The following TSBP1 variants were observed in gnomAD, a reference collection of about 807,000 sequenced individuals.
The protein encoded by TSBP1 is testis-expressed basic protein 1.
In TSBP1, 56 loss-of-function variants were observed where a neutral mutation model predicts 68.8. The ratio of observed to expected loss-of-function variants is 0.81; its 90% CI spans 0.66 to 1.02. TSBP1 has a LOEUF of 1.02. TSBP1 is among the 50% of genes least tolerant of loss of function. TSBP1 has a pLI of 0.00. For synonymous variants in TSBP1, 171 were observed against 208.7 expected (o/e 0.82, Z 1.56); for missense variants, 502 against 641.2 (o/e 0.78, Z 2.34).
chr6:32,354,449 ATATT>A (rs1394362719), intron 8 of TSBP1, among the ~76,000 whole-genome samples: 3 of 152,104 alleles, frequency 2.0e-5, no homozygotes, highest in Non-Finnish European at 4.4e-5. Context: ...GAAATTGGAA[ATATT>A]TATTTATTTT....
intron 19 of TSBP1, among the ~76,000 whole-genome samples, chr6:32,307,806 G>T (rs116471568): frequency 3.4e-5 from 5 of 146,726 alleles, no homozygotes; most frequent in African/African-American, 1.3e-4. Context: ...ACAGAATTTC[G>T]CTCTTGTCAC....
chr6:32,322,445 A>G, intron 18 of TSBP1, 41 bp downstream of exon 20: 1 of 1,504,818 alleles, frequency 6.6e-7, no homozygotes, highest in Non-Finnish European at 9.2e-7. Flanking sequence ...TAAGATAAGA[A>G]AAGTCCCCAC....
intron 4 of TSBP1, 79 bp from the exon 5 acceptor site, chr6:32,366,381 G>GT: frequency 7.8e-7 from 1 of 1,274,818 alleles, no homozygotes; most frequent in Non-Finnish European, 1.1e-6. Flanking sequence ...ATAGAAATCT[G>GT]TTTACCTCTT....
intron 14 of TSBP1, among the ~76,000 whole-genome samples, chr6:32,334,593 GT>G (rs1358851506): frequency 1.3e-5 from 2 of 152,050 alleles, no homozygotes; most frequent in African/African-American, 4.8e-5. Flanking sequence ...TTTGAATGTT[GT>G]TTAGATGCAA....
chr6:32,343,552 T>C lies in TSBP1; in HGVS notation c.350-3914A>G, dbSNP rs1770621143. ...CGTTTCTCCCTCCCTCTTTCTTTCATCTTTTCAGTTTGGAGAGTCTTCTTT... is the reference window on the plus strand; with the variant it reads ...CGTTTCTCCCTCCCTCTTTCTTTCACCTTTTCAGTTTGGAGAGTCTTCTTT... On this transcript the variant is annotated intron_variant, in intron 9 of 22. Transcript: ENST00000612031. This position sits in a 1 kb window ranked among gnomAD's most constrained non-coding sequence, Gnocchi z 4.3. 6.6e-6 allele frequency among the ~76,000 whole-genome samples: 1 copy of C among 152,186 alleles called. No individual in the cohort carries two copies. The highest frequency in any genetic ancestry group is 2.1e-4 in the South Asian group (1 of 4,828).
chr6:32,364,064 G>A (rs9268345), intron 6 of TSBP1, among the ~76,000 whole-genome samples: 51,009 of 151,750 alleles, frequency 0.34, 9,596 homozygotes, highest in Middle Eastern at 0.52. Flanking sequence ...ATCCCACTAT[G>A]TACTGGCCTA....
chr6:32,368,832 A>G lies in TSBP1; in HGVS notation c.101-18T>C. 6.3e-7 allele frequency: 1 copy of G among 1,587,296 alleles called. No individual in the cohort carries two copies. Among genetic ancestry groups the G allele is most frequent in the Non-Finnish European group, 8.6e-7 (1 of 1,162,802 alleles). ...ATACATTTCTGTGGAAGAATTAGGC[A>G]AAATGTTTTTATTAGTTACTTAGGA... On this transcript the variant is annotated intron_variant, in intron 2 of 22. Transcript: ENST00000612031.
intron 19 of TSBP1, among the ~76,000 whole-genome samples, chr6:32,308,395 G>A (rs9268183): frequency 0.21 from 31,551 of 150,340 alleles, 3,493 homozygotes; most frequent in East Asian, 0.22. Context: ...TCAGGAGATC[G>A]AGACCATCCC....
At chr6:32,364,700 T>A (rs991765643) in intron 6 of TSBP1, among the ~76,000 whole-genome samples, 3 of 152,172 alleles carry the variant, frequency 2.0e-5, no homozygotes, top group African/African-American at 7.2e-5. Context: ...TGTTTTGGAT[T>A]TTTTTGTCAG....
intron 1 of TSBP1, among the ~76,000 whole-genome samples, chr6:32,370,390 A>T (rs1774250597): frequency 1.5e-5 from 2 of 133,872 alleles, no homozygotes; most frequent in African/African-American, 2.7e-5. Context: ...CATACCTTTA[A>T]AGTTGCAAGA....
In TSBP1 at chr6:32,340,142, G is replaced by A. The variant is rs537491191; in HGVS notation, c.350-504C>T. Reference sequence around the variant, plus strand: ...TTTTATTTTTGATTTATTAATTTCTGTTATTTTAATCTTTAAAACAACCCT... The same window carrying A: ...TTTTATTTTTGATTTATTAATTTCTATTATTTTAATCTTTAAAACAACCCT... On this transcript the variant is annotated intron_variant, in intron 9 of 22. Transcript: ENST00000612031. This position sits in a 1 kb window ranked among gnomAD's most constrained non-coding sequence, Gnocchi z 4.8. Among the ~76,000 whole-genome samples the A allele has an allele frequency of 9.2e-5, 14 of 152,092 alleles. No individual in the cohort carries two copies. The highest frequency in any genetic ancestry group is 3.1e-4 in the African/African-American group (13 of 41,462).
At chr6:32,349,499 T>C (rs2076540) in intron 9 of TSBP1, 169,952 of 452,624 alleles carry the variant, frequency 0.38, 34,843 homozygotes, top group Middle Eastern at 0.51. Flanking sequence ...ACTCTGTTTT[T>C]CCAACACTTC....
Position 32,315,762 on chromosome 6 carries a change from A to G in TSBP1, c.580+10T>C. The G allele has an allele frequency of 6.6e-7, 1 of 1,506,848 alleles. No homozygotes were observed. The highest frequency in any genetic ancestry group is 2.4e-5 in the East Asian group (1 of 41,944). 93.3% of individuals were successfully genotyped at this position (1,506,848 alleles called of 1,614,324 possible). A position where few individuals can be genotyped will look rare whatever the true frequency, so the allele number is the denominator to read the frequency against. On this transcript the variant is annotated intron_variant, in intron 19 of 22. Coordinates refer to ENST00000612031, the Ensembl canonical transcript of TSBP1. The surrounding 1 kb of genome is among the most constrained non-coding windows in gnomAD (Gnocchi z 5.4). ...TCCACATATGACCAGCTGAGAAATA[A>G]AGAACTTACTTGCAGTTCTCTGCGA...
chr6:32,310,251 A>AGC (rs543720476), intron 19 of TSBP1, among the ~76,000 whole-genome samples: 1 of 151,400 alleles, frequency 6.6e-6, no homozygotes, highest in African/African-American at 2.4e-5. Flanking sequence ...GGCACATGTA[A>AGC]GTGTGTGTGT....
intron 7 of TSBP1, 119 bp downstream of exon 7, chr6:32,355,530 C>T (rs760371125): frequency 1.2e-5 from 15 of 1,294,788 alleles, no homozygotes; most frequent in Admixed American, 2.2e-5. Flanking sequence ...TTATCTATTG[C>T]TTAGTATTCA....
In TSBP1 at chr6:32,321,107, C is replaced by G. The variant is rs1459289049; in HGVS notation, c.559+2010G>C. ...CCATTGATGGGCATTTAGGTTGATT[C>G]CATGTATTTGCTATTGTGAATAGTT... On this transcript the variant is annotated intron_variant, in intron 18 of 22. Coordinates refer to ENST00000612031, the Ensembl canonical transcript of TSBP1. The surrounding 1 kb of genome is among the most constrained non-coding windows in gnomAD (Gnocchi z 4.3). Among the ~76,000 whole-genome samples, 2 of 152,102 alleles carry G rather than the reference C, an allele frequency of 1.3e-5. No individual in the cohort carries two copies. The highest frequency in any genetic ancestry group is 3.8e-4 in the East Asian group (2 of 5,204).
intron 16 of TSBP1, chr6:32,326,290 T>C (rs1768211843): frequency 1.4e-6 from 1 of 711,090 alleles, no homozygotes; most frequent in African/African-American, 1.7e-5. Context: ...GCCTAGCTGG[T>C]ACAAAGAAGA....
intron 15 of TSBP1, 133 bp from the exon 17 acceptor site, chr6:32,330,742 C>T (rs1768913689): frequency 6.6e-6 from 7 of 1,059,438 alleles, no homozygotes; most frequent in Non-Finnish European, 7.9e-6. Flanking sequence ...GTGATCTTGG[C>T]TCACTGCAAC....
chr6:32,365,757 C>T lies in TSBP1; in HGVS notation c.217+410G>A, dbSNP rs1274532656. 1 of 399,452 alleles carries T rather than the reference C, an allele frequency of 2.5e-6. No individual in the cohort carries two copies. The highest frequency in any genetic ancestry group is 1.8e-5 in the South Asian group (1 of 54,082). The allele number at this position is 399,452 out of a possible 1,614,324, so 24.7% of individuals were successfully genotyped here. A position where few individuals can be genotyped will look rare whatever the true frequency, so the allele number is the denominator to read the frequency against. ...GGTAAAGTGAAACTGTTCTTCTTAC[C>T]CTCTTTAATACATCTGTTCTAGGAT... On this transcript the variant is annotated intron_variant, in intron 6 of 22. Transcript: ENST00000612031. This position sits in a 1 kb window ranked among gnomAD's most constrained non-coding sequence, Gnocchi z 4.3.
Sources: allele counts gnomAD v4.1 joint callset (sites outside exome capture counted in the v4.1 genomes callset), GRCh38; gene constraint gnomAD v4.1.1; non-coding constraint Gnocchi (gnomAD v3.1); transcripts MANE v1.5; gene names NCBI Gene and HGNC (gene_info 2026-07-23, HGNC 2026-07-21).